The following CAST variants were observed in gnomAD, a reference collection of about 807,000 sequenced individuals.
CAST encodes the protein MIR583 host.
Under a neutral mutation model 119.6 loss-of-function variants are expected in CAST, and 76 were observed. That is an observed-to-expected ratio of 0.64 (90% confidence interval 0.53 to 0.77). CAST has a LOEUF of 0.77. CAST is among the 30% of genes least tolerant of loss of function. CAST has a pLI of 0.00. For missense variants in CAST, 953 were observed against 946.5 expected, an observed-to-expected ratio of 1.01 and a Z score of -0.09; for synonymous variants, 319 against 331.6, an observed-to-expected ratio of 0.96 and a Z score of 0.41.
At chr5:96,648,919 C>T (rs1748058064) in intron 1 of CAST, among the ~76,000 whole-genome samples, 1 of 151,850 alleles carries the variant, frequency 6.6e-6, no homozygotes, top group South Asian at 2.1e-4. Flanking sequence ...ACAGATCTAC[C>T]CCCAGGGCCT....
chr5:96,162,749 TG>T, the CAST span, among the ~76,000 whole-genome samples: 1 of 152,330 alleles, frequency 6.6e-6, no homozygotes, highest in African/African-American at 2.4e-5. Flanking sequence ...TTTCTATTCT[TG>T]GGATAGTTTA....
chr5:96,557,687 G>C (rs1213145466), intron 1 of CAST, among the ~76,000 whole-genome samples: 1 of 152,168 alleles, frequency 6.6e-6, no homozygotes, highest in African/African-American at 2.4e-5. Flanking sequence ...CAATACAGGA[G>C]CACCCAGATT....
the CAST span, among the ~76,000 whole-genome samples, chr5:96,249,426 A>G: frequency 7.0e-3 from 1,061 of 152,344 alleles, 18 homozygotes; most frequent in African/African-American, 0.024. Context: ...CAAAGGACAT[A>G]ATAATACTAC....
chr5:96,347,386 G>A, the CAST span, among the ~76,000 whole-genome samples: 7 of 152,214 alleles, frequency 4.6e-5, no homozygotes, highest in African/African-American at 1.2e-4. Context: ...TCAGAAGTCC[G>A]TGCTTATCCT....
At chr5:96,063,691 G>T in the CAST span, among the ~76,000 whole-genome samples, 9 of 152,054 alleles carry the variant, frequency 5.9e-5, no homozygotes, top group African/African-American at 2.2e-4. Flanking sequence ...ATTTAGTTGG[G>T]GGCTGTTGTA....
chr5:96,421,993 TAAAAAAAAAAAAAAAAAA>T, the CAST span: 2 of 355,788 alleles, frequency 5.6e-6, no homozygotes, highest in Admixed American at 5.2e-5. Context: ...GTGGCAGCAT[TAAAAAAAAAAAAAAAAAA>T]AAAAAAAAGC....
At chr5:96,430,132 T>C in the CAST span, among the ~76,000 whole-genome samples, 1 of 152,216 alleles carries the variant, frequency 6.6e-6, no homozygotes, top group Admixed American at 6.5e-5. Flanking sequence ...AATTCAAGGC[T>C]TTCAGAAAAG....
intron 1 of CAST, among the ~76,000 whole-genome samples, chr5:96,591,612 T>C (rs1746963282): frequency 6.6e-6 from 1 of 152,146 alleles, no homozygotes; most frequent in African/African-American, 2.4e-5. Flanking sequence ...ACAAGAACAA[T>C]GAGGAAGAGA....
chr5:96,393,423 T>C, the CAST span: 1 of 1,610,928 alleles, frequency 6.2e-7, no homozygotes, highest in Non-Finnish European at 8.5e-7. Context: ...GGTTCATTAT[T>C]TATGGCCAGG....
intron 1 of CAST, among the ~76,000 whole-genome samples, chr5:96,580,828 C>T (rs966626727): frequency 6.6e-6 from 1 of 152,196 alleles, no homozygotes; most frequent in Non-Finnish European, 1.5e-5. Flanking sequence ...CCTCAAAAAT[C>T]GTGTTGAAAT....
At chr5:96,716,431 G>T (rs1757194251) in intron 3 of CAST, among the ~76,000 whole-genome samples, 1 of 152,166 alleles carries the variant, frequency 6.6e-6, no homozygotes, top group Non-Finnish European at 1.5e-5. Flanking sequence ...TTGGTTTTGT[G>T]CCATAAAATA....
intron 24 of CAST, among the ~76,000 whole-genome samples, chr5:96,760,367 TATACTC>T (rs1767501587): frequency 1.3e-5 from 2 of 152,098 alleles, no homozygotes; most frequent in Middle Eastern, 3.4e-3. Flanking sequence ...AAATTTTACA[TATACTC>T]ATATTATAAA....
the CAST span, among the ~76,000 whole-genome samples, chr5:96,284,533 TC>T: frequency 1.3e-5 from 2 of 152,164 alleles, no homozygotes; most frequent in African/African-American, 4.8e-5. Flanking sequence ...AGCCAGGACT[TC>T]CATCGGGGTA....
At chr5:96,469,793 GAA>G in the CAST span, among the ~76,000 whole-genome samples, 32 of 150,178 alleles carry the variant, frequency 2.1e-4, no homozygotes, top group Admixed American at 6.6e-4. Flanking sequence ...TAGAAAGGGA[GAA>G]GAGAGAGAGA....
intron 24 of CAST, among the ~76,000 whole-genome samples, chr5:96,760,532 G>A (rs554368307): frequency 1.3e-5 from 2 of 151,832 alleles, no homozygotes; most frequent in East Asian, 3.9e-4. Flanking sequence ...TTATCACATG[G>A]AAGAATCATT....
At chr5:96,488,204 T>G in the CAST span, among the ~76,000 whole-genome samples, 4 of 152,188 alleles carry the variant, frequency 2.6e-5, no homozygotes, top group African/African-American at 4.8e-5. Context: ...AACTCAATAG[T>G]CTAACACAGG....
the CAST span, among the ~76,000 whole-genome samples, chr5:96,437,392 A>G: frequency 6.6e-6 from 1 of 152,230 alleles, no homozygotes; most frequent in East Asian, 1.9e-4. Flanking sequence ...TTCTTTCTTT[A>G]ACAGGTTCTT....
intron 1 of CAST, among the ~76,000 whole-genome samples, chr5:96,548,153 G>A (rs61175916): frequency 0.017 from 2,649 of 152,000 alleles, 66 homozygotes; most frequent in African/African-American, 0.061. Flanking sequence ...CTTTTTCTCC[G>A]GTACAAAATC....
chr5:96,669,343 G>A (rs1237945985), intron 1 of CAST, among the ~76,000 whole-genome samples: 10 of 152,072 alleles, frequency 6.6e-5, no homozygotes, highest in Non-Finnish European at 1.5e-5. Context: ...TACCTTCTTG[G>A]CCTCTTTCTC....
Sources: allele counts gnomAD v4.1 joint callset (sites outside exome capture counted in the v4.1 genomes callset), GRCh38; gene constraint gnomAD v4.1.1; transcripts MANE v1.5; gene names NCBI Gene and HGNC (gene_info 2026-07-23, HGNC 2026-07-21).